Variants in SCN1A observed in about 807,000 individuals in gnomAD.
SCN1A encodes the protein sodium voltage-gated channel alpha subunit 1.
A neutral mutation model predicts 193.7 loss-of-function variants in SCN1A; 13 were observed. The ratio of observed to expected loss-of-function variants is 0.07; its 90% CI spans 0.04 to 0.11. SCN1A has a LOEUF of 0.11. Among genes scored for constraint, SCN1A ranks in the 10% least tolerant of loss-of-function variants. The pLI, the probability that SCN1A is intolerant of heterozygous loss-of-function variation, is 1.00. For synonymous variants in SCN1A, 781 were observed against 843.6 expected (o/e 0.93, Z 1.29); for missense variants, 1,432 against 2,451.1 (o/e 0.58, Z 8.78).
intron 19 of SCN1A, among the ~76,000 whole-genome samples, chr2:166,033,791 C>T (rs1425361032): frequency 6.6e-6 from 1 of 152,090 alleles, no homozygotes; most frequent in East Asian, 1.9e-4. Context: ...CAAATTTTTA[C>T]AGAAAATGTA....
rs199610378 is a variant in SCN1A, at chr2:166,052,006, A to G, written c.695-18T>C. 140 of 1,604,962 alleles carry G rather than the reference A, an allele frequency of 8.7e-5. No individual in the cohort carries two copies. The highest frequency in any genetic ancestry group is 1.1e-4 in the Non-Finnish European group (127 of 1,174,420). ...TTTCAGGCCTGAAAGAAAGAAGTCT[A>G]TTACTATGAAGACTTAACACGTGTG... On this transcript the variant is annotated intron_variant, in intron 8 of 28. Transcript: ENST00000674923.
intron 3 of SCN1A, chr2:166,077,210 A>C (rs781081959): frequency 6.6e-6 from 1 of 151,898 alleles, no homozygotes; most frequent in Non-Finnish European, 1.5e-5. Context: ...AAGAATTGAC[A>C]ATCTGATATC....
chr2:166,126,962 G>C lies in SCN1A; in HGVS notation c.-180C>G, dbSNP rs1313869336. 1.3e-5 allele frequency: 2 copies of C among 152,234 alleles called. No individual in the cohort carries two copies. Among genetic ancestry groups the C allele is most frequent in the Non-Finnish European group, 2.9e-5 (2 of 68,068 alleles). 9.4% of individuals were successfully genotyped at this position (152,234 alleles called of 1,614,324 possible). On this transcript the variant is annotated 5_prime_UTR_variant, in exon 2 of 29. Transcript: ENST00000674923. ...GAGTCAGGAAATCCATGATAGCAAA[G>C]ACATTTGGACAAGCCTCACCTCCAC...
chr2:166,065,109 G>A (rs750081103), intron 4 of SCN1A, among the ~76,000 whole-genome samples: 7 of 152,122 alleles, frequency 4.6e-5, no homozygotes, highest in Non-Finnish European at 7.4e-5. Flanking sequence ...TGAATGAATG[G>A]CACTGAGAAA....
At chr2:166,002,244 AG>A (rs1040565549) in intron 24 of SCN1A, among the ~76,000 whole-genome samples, 2 of 151,716 alleles carry the variant, frequency 1.3e-5, no homozygotes, top group African/African-American at 4.8e-5. Flanking sequence ...ACAAGAAAAA[AG>A]ACAAAGAGGT....
At chr2:166,061,236 A>G (rs1683273547) in intron 4 of SCN1A, among the ~76,000 whole-genome samples, 1 of 152,184 alleles carries the variant, frequency 6.6e-6, no homozygotes, top group Non-Finnish European at 1.5e-5. Context: ...CAAAACAGAA[A>G]AGACAGACAA....
chr2:165,994,650 AAAACAAACAAAC>A (rs140431192), intron 27 of SCN1A, among the ~76,000 whole-genome samples: 30 of 150,986 alleles, frequency 2.0e-4, no homozygotes, highest in African/African-American at 3.4e-4. Context: ...GTTTCTGATA[AAAACAAACAAAC>A]AAACAAACAA....
intron 2 of SCN1A, among the ~76,000 whole-genome samples, chr2:166,093,116 G>A (rs1035810061): frequency 1.3e-5 from 2 of 151,726 alleles, no homozygotes; most frequent in Admixed American, 6.6e-5. Flanking sequence ...GTTATGAGAA[G>A]ATGCACTGCA....
rs541204613 is a variant in SCN1A at position 166,074,607 on chromosome 2, G to A, written c.-49-937C>T. On this transcript the variant is annotated intron_variant, in intron 3 of 28. Transcript: ENST00000674923. ...AGTCAGACCTGATCTGATGCCAGAC[G>A]CCAAATCCCAAATGTATTGTTTTAA... is the stretch of plus-strand genomic sequence containing the variant. Among the ~76,000 whole-genome samples the A allele has an allele frequency of 6.6e-5, 10 of 152,252 alleles. No individual in the cohort carries two copies. The East Asian group carries it at 1.9e-3, about 29-fold the overall frequency.
intron 2 of SCN1A, among the ~76,000 whole-genome samples, chr2:166,100,393 C>G (rs2106136893): frequency 6.7e-6 from 1 of 148,636 alleles, no homozygotes; most frequent in African/African-American, 2.5e-5. Flanking sequence ...AACGTTAGAC[C>G]TAAAACCATA....
At chr2:166,083,087 A>G (rs1465516116) in intron 2 of SCN1A, among the ~76,000 whole-genome samples, 2 of 152,134 alleles carry the variant, frequency 1.3e-5, no homozygotes, top group Non-Finnish European at 2.9e-5. Flanking sequence ...GATCTCACAT[A>G]ACTATTTTTT....
At chr2:166,001,348 C>T (rs775735639) in intron 24 of SCN1A, among the ~76,000 whole-genome samples, 17 of 151,568 alleles carry the variant, frequency 1.1e-4, no homozygotes, top group Non-Finnish European at 2.4e-4. Flanking sequence ...CAGAGTAGAT[C>T]AAAAATGTTA....
At chr2:166,052,496 CA>C in intron 8 of SCN1A, among the ~76,000 whole-genome samples, 1 of 151,168 alleles carries the variant, frequency 6.6e-6, no homozygotes, top group Middle Eastern at 3.4e-3. Context: ...CTTTTGTTAG[CA>C]AAAAACTTAG....
At chr2:166,057,425 C>A (rs1339922467) in intron 5 of SCN1A, among the ~76,000 whole-genome samples, 1 of 151,894 alleles carries the variant, frequency 6.6e-6, no homozygotes, top group Non-Finnish European at 1.5e-5. Flanking sequence ...CCTTACTAAG[C>A]TCTAGAGGAA....
intron 14 of SCN1A, 24 bp from the exon 15 acceptor site, chr2:166,042,448 T>C: frequency 6.2e-7 from 1 of 1,611,166 alleles, no homozygotes; most frequent in Non-Finnish European, 8.5e-7. Context: ...TGCTAATGCA[T>C]TAAACAATTA....
At chr2:166,104,072 G>A in intron 2 of SCN1A, among the ~76,000 whole-genome samples, 1 of 152,188 alleles carries the variant, frequency 6.6e-6, no homozygotes, top group Non-Finnish European at 1.5e-5. Context: ...TGAGTGATTT[G>A]AAATAAAACT....
intron 2 of SCN1A, among the ~76,000 whole-genome samples, chr2:166,078,241 C>T (rs1342658821): frequency 6.6e-6 from 1 of 151,652 alleles, no homozygotes; most frequent in Non-Finnish European, 1.5e-5. Context: ...TCTAAAATAG[C>T]TCTTGAATCA....
chr2:166,011,521 C>A (rs1430334617), intron 22 of SCN1A, among the ~76,000 whole-genome samples: 1 of 151,136 alleles, frequency 6.6e-6, no homozygotes, highest in Non-Finnish European at 1.5e-5. Context: ...AAGTAGACTT[C>A]TCTTTCCCTA....
intron 18 of SCN1A, among the ~76,000 whole-genome samples, chr2:166,037,255 G>A (rs1696505717): frequency 1.3e-5 from 2 of 152,194 alleles, no homozygotes; most frequent in South Asian, 4.1e-4. Context: ...TAGTGCATCT[G>A]CCATATGACA....
Sources: allele counts gnomAD v4.1 joint callset (sites outside exome capture counted in the v4.1 genomes callset), GRCh38; gene constraint gnomAD v4.1.1; transcripts MANE v1.5; gene names NCBI Gene and HGNC (gene_info 2026-07-23, HGNC 2026-07-21).